CYP4X1: variants seen among roughly 807,000 people sequenced by gnomAD.
CYP4X1 encodes cytochrome P450 4X1.
A neutral mutation model predicts 57.9 loss-of-function variants in CYP4X1; 44 were observed. The observed-to-expected ratio is 0.76, with a 90% CI of 0.60 to 0.98. The LOEUF (loss-of-function observed/expected upper bound fraction) is 0.98. Among genes scored for constraint, CYP4X1 ranks in the 50% least tolerant of loss-of-function variants. CYP4X1 has a pLI of 0.00. For missense variants in CYP4X1, 532 were observed against 623.9 expected, an observed-to-expected ratio of 0.85 and a Z score of 1.57; for synonymous variants, 227 against 228.6, an observed-to-expected ratio of 0.99 and a Z score of 0.06.
chr1:47,054,244 T>C (rs1184388164), downstream of CYP4X1, among the ~76,000 whole-genome samples: 1 of 152,106 alleles, frequency 6.6e-6, no homozygotes, highest in Non-Finnish European at 1.5e-5. Context: ...TGCAGCATTA[T>C]TTCTGAGGGC....
At chr1:46,986,256 A>G in the CYP4X1 span, among the ~76,000 whole-genome samples, 2 of 152,250 alleles carry the variant, frequency 1.3e-5, no homozygotes, top group Non-Finnish European at 2.9e-5. Context: ...AATCAAATGA[A>G]AGAAAAGATA....
chr1:47,011,084 C>G, the CYP4X1 span, among the ~76,000 whole-genome samples: 1 of 152,048 alleles, frequency 6.6e-6, no homozygotes, highest in South Asian at 2.1e-4. Flanking sequence ...AACCAAAAAA[C>G]AGCCCGCATT....
the CYP4X1 span, among the ~76,000 whole-genome samples, chr1:46,975,821 T>A: frequency 6.6e-6 from 1 of 152,192 alleles, no homozygotes; most frequent in Admixed American, 6.5e-5. Flanking sequence ...GGACTTGGGC[T>A]CTTTACATAA....
chr1:46,967,599 TAGAA>T, the CYP4X1 span: 2 of 313,258 alleles, frequency 6.4e-6, no homozygotes, highest in Non-Finnish European at 1.2e-5. Flanking sequence ...GGTGGGCCGA[TAGAA>T]AGCAGGATGT....
chr1:47,026,587 G>C (rs948665681), intron 1 of CYP4X1, among the ~76,000 whole-genome samples: 1 of 152,062 alleles, frequency 6.6e-6, no homozygotes, highest in Non-Finnish European at 1.5e-5. Flanking sequence ...ACCAGCTAGG[G>C]TTCTGCTTGG....
intron 9 of CYP4X1, 39 bp downstream of exon 9, chr1:47,046,639 TG>T (rs1557611219): frequency 6.2e-7 from 1 of 1,613,714 alleles, no homozygotes; most frequent in Non-Finnish European, 8.5e-7. Flanking sequence ...TTAGAGGCTA[TG>T]GGATCCTGGA....
At chr1:47,041,424 T>C (rs1464712505) in intron 8 of CYP4X1, among the ~76,000 whole-genome samples, 3 of 152,188 alleles carry the variant, frequency 2.0e-5, no homozygotes, top group African/African-American at 7.2e-5. Context: ...GTATAAGGGT[T>C]CTGTTTTCTC....
At chr1:47,052,767 G>A (rs1215558748), downstream of CYP4X1, among the ~76,000 whole-genome samples, 2 of 149,110 alleles carry the variant, frequency 1.3e-5, no homozygotes, top group Non-Finnish European at 3.0e-5. Context: ...GAATAAAAAT[G>A]TTCTCCTAAA....
chr1:47,010,179 CG>C, the CYP4X1 span, among the ~76,000 whole-genome samples: 1 of 150,858 alleles, frequency 6.6e-6, no homozygotes, highest in Non-Finnish European at 1.5e-5. Flanking sequence ...ACTAGCAAAC[CG>C]AATCCAGCAG....
chr1:46,965,383 C>T, the CYP4X1 span, among the ~76,000 whole-genome samples: 1 of 152,196 alleles, frequency 6.6e-6, no homozygotes, highest in Non-Finnish European at 1.5e-5. Context: ...TCCTATTCAG[C>T]CATCTTGGAA....
At chr1:46,998,838 C>T in the CYP4X1 span, among the ~76,000 whole-genome samples, 1 of 152,014 alleles carries the variant, frequency 6.6e-6, no homozygotes, top group African/African-American at 2.4e-5. Context: ...ATTCTTTCCC[C>T]ATTATTTATT....
At chr1:47,007,009 T>C in the CYP4X1 span, among the ~76,000 whole-genome samples, 1 of 152,318 alleles carries the variant, frequency 6.6e-6, no homozygotes, top group South Asian at 2.1e-4. Context: ...GGGCAGGGCA[T>C]AGCCAAACAA....
intron 4 of CYP4X1, 102 bp from the exon 5 acceptor site, chr1:47,035,704 G>T (rs1048895461): frequency 9.7e-5 from 144 of 1,492,040 alleles, no homozygotes; most frequent in Non-Finnish European, 1.1e-4. Context: ...GGTCAGGGTT[G>T]TCTCCATTAG....
At chr1:47,016,293 T>C in the CYP4X1 span, among the ~76,000 whole-genome samples, 1 of 151,876 alleles carries the variant, frequency 6.6e-6, no homozygotes, top group African/African-American at 2.4e-5. Flanking sequence ...AAGCTGAACA[T>C]GCAAAGAGAT....
At chr1:47,010,025 A>G in the CYP4X1 span, among the ~76,000 whole-genome samples, 1 of 152,220 alleles carries the variant, frequency 6.6e-6, no homozygotes, top group Non-Finnish European at 1.5e-5. Flanking sequence ...TCTTCCAATC[A>G]ATAGAGAAAG....
intron 8 of CYP4X1, among the ~76,000 whole-genome samples, chr1:47,044,789 T>C (rs1644283011): frequency 1.3e-5 from 2 of 152,184 alleles, no homozygotes; most frequent in African/African-American, 2.4e-5. Context: ...ATTGTTTTTT[T>C]AATTATGCAA....
the CYP4X1 span, among the ~76,000 whole-genome samples, chr1:46,981,891 C>A: frequency 6.6e-6 from 1 of 152,136 alleles, no homozygotes; most frequent in South Asian, 2.1e-4. Context: ...GACAGAAAAC[C>A]AAACACCACT....
the CYP4X1 span, among the ~76,000 whole-genome samples, chr1:46,977,151 A>C: frequency 6.6e-6 from 1 of 152,172 alleles, no homozygotes; most frequent in Non-Finnish European, 1.5e-5. Context: ...AGTAGGTTTC[A>C]GAAGGTCAGT....
At chr1:46,970,509 G>A in the CYP4X1 span, among the ~76,000 whole-genome samples, 27 of 152,276 alleles carry the variant, frequency 1.8e-4, no homozygotes, top group Non-Finnish European at 3.4e-4. Flanking sequence ...GACTCACCTT[G>A]ATCCTATTGA....
Sources: gnomAD v4.1 joint callset for allele counts (sites outside exome capture counted in the v4.1 genomes callset) on GRCh38, gnomAD v4.1.1 for gene constraint, MANE v1.5 for transcripts, NCBI Gene and HGNC (gene_info 2026-07-23, HGNC 2026-07-21) for gene names.